Variants in ERCC6L2 observed in about 807,000 individuals in gnomAD.
ERCC6L2 encodes DNA excision repair protein ERCC-6-like 2.
In ERCC6L2, 77 loss-of-function variants were observed where a neutral mutation model predicts 132.0. The observed-to-expected ratio is 0.58, with a 90% confidence interval of 0.49 to 0.71. The LOEUF (loss-of-function observed/expected upper bound fraction) is 0.71, where lower values mean the gene tolerates loss of function less well. Among genes scored for constraint, ERCC6L2 ranks in the 30% least tolerant of loss-of-function variants. The pLI, the probability that ERCC6L2 is intolerant of heterozygous loss-of-function variation, is 0.00. For synonymous variants in ERCC6L2, 583 were observed against 632.4 expected (o/e 0.92, Z 1.17); for missense variants, 1,542 against 1,837.6 (o/e 0.84, Z 2.94).
chr9:95,920,523 A>C (rs1829812814), intron 6 of ERCC6L2, among the ~76,000 whole-genome samples: 1 of 152,198 alleles, frequency 6.6e-6, no homozygotes, highest in African/African-American at 2.4e-5. Flanking sequence ...GGAAGTCAGA[A>C]GTTATACATG....
chr9:95,915,949 T>A, intron 5 of ERCC6L2, 120 bp downstream of exon 5: 1 of 997,244 alleles, frequency 1.0e-6, no homozygotes. Flanking sequence ...TAGATGTGTT[T>A]GATCCCAGAT....
At chr9:95,917,333 TC>T (rs1829648587) in intron 6 of ERCC6L2, among the ~76,000 whole-genome samples, 1 of 152,228 alleles carries the variant, frequency 6.6e-6, no homozygotes, top group African/African-American at 2.4e-5. Context: ...ATCTTGTGTT[TC>T]TTCTAGCTTG....
At chr9:95,896,372 A>ATTTGTTTT (rs1828459551) in intron 2 of ERCC6L2, among the ~76,000 whole-genome samples, 2 of 141,076 alleles carry the variant, frequency 1.4e-5, no homozygotes, top group Non-Finnish European at 3.1e-5. Flanking sequence ...CTACTTGTCT[A>ATTTGTTTT]TTTGTTTTTT....
In ERCC6L2 at chr9:96,009,945, G is replaced by C. The variant is rs75086280; in HGVS notation, c.3675-2280G>C. Among the ~76,000 whole-genome samples, 547 of 152,280 alleles carry C rather than the reference G, an allele frequency of 3.6e-3. 2 individuals carry two copies. The highest frequency in any genetic ancestry group is 0.013 in the African/African-American group (521 of 41,548). ...TTGGCAGTTGCTGAGACACCACCAA[G>C]CCTTGGATAAATAAAAGACATCAGC... On this transcript the variant is annotated intron_variant, in intron 18 of 18. Transcript: ENST00000653738.
At position 95,990,944 on chromosome 9, in the gene ERCC6L2, G is replaced by T. The variant is rs1216813427; in HGVS notation, c.3492+12729G>T. Among the ~76,000 whole-genome samples the T allele has an allele frequency of 3.3e-5, 5 of 152,284 alleles. No homozygotes were observed. The East Asian group carries it at 9.6e-4, about 29-fold the overall frequency. The stretch of plus-strand genomic sequence containing the variant: ...GTGGGCGGCTCTCAGCAGAAAGGGA[G>T]GCTGGAAAGGGGATGGGAAGGTGAT... On this transcript the variant is annotated intron_variant, in intron 17 of 18. Coordinates refer to ENST00000653738, the MANE Select transcript of ERCC6L2 (RefSeq NM_020207.7).
intron 19 of ERCC6L2, among the ~76,000 whole-genome samples, chr9:96,038,285 T>C (rs1245374109): frequency 3.3e-5 from 5 of 152,152 alleles, no homozygotes; most frequent in Non-Finnish European, 5.9e-5. Flanking sequence ...GAATCTGTGA[T>C]GATTGCTGGA....
intron 17 of ERCC6L2, among the ~76,000 whole-genome samples, chr9:95,989,949 G>T (rs1833233756): frequency 6.6e-6 from 1 of 152,242 alleles, no homozygotes; most frequent in Non-Finnish European, 1.5e-5. Flanking sequence ...AGCCAGAAAT[G>T]TGACAATGTG....
chr9:95,879,050 T>A (rs1404420520), intron 1 of ERCC6L2, among the ~76,000 whole-genome samples: 1 of 151,922 alleles, frequency 6.6e-6, no homozygotes, highest in Non-Finnish European at 1.5e-5. Context: ...AAATGGTATT[T>A]CTAGTTCTAG....
chr9:95,931,538 C>T (rs1201647502), intron 11 of ERCC6L2, among the ~76,000 whole-genome samples: 2 of 152,208 alleles, frequency 1.3e-5, no homozygotes, highest in African/African-American at 4.8e-5. Flanking sequence ...TTTTCTGCAT[C>T]TGTAAATACA....
Position 95,916,217 on chromosome 9 carries a change from C to G in ERCC6L2, c.951-10C>G. 1.2e-6 allele frequency: 2 copies of G among 1,612,186 alleles called. No homozygotes were observed. Among genetic ancestry groups the G allele is most frequent in the African/African-American group, 1.3e-5 (1 of 74,898 alleles). ...AAAGCCCTTACATTTTTCTTATTGT[C>G]TTTATAAAGGGCTGTGCCAGGCCTT... On this transcript the variant is annotated splice_polypyrimidine_tract_variant and intron_variant, in intron 5 of 18. Coordinates refer to ENST00000653738, the MANE Select transcript of ERCC6L2 (RefSeq NM_020207.7).
chr9:95,914,390 T>C (rs1205754141), intron 4 of ERCC6L2, among the ~76,000 whole-genome samples: 1 of 152,108 alleles, frequency 6.6e-6, no homozygotes, highest in East Asian at 1.9e-4. Context: ...AGTCTTGCTG[T>C]GTCACCAGGC....
In ERCC6L2 at chr9:95,875,741, G is replaced by A; in HGVS notation, c.-298G>A. On this transcript the variant is annotated 5_prime_UTR_variant, in exon 1 of 19. Transcript: ENST00000653738. ...CCTTGCCGGCCTCCTGTCCTCCTCC[G>A]GCGGCGGCGGAGCCCGAGAGAACTA... is the stretch of plus-strand genomic sequence containing the variant. The A allele has an allele frequency of 2.2e-6, 1 of 453,330 alleles. No homozygotes were observed. The highest frequency in any genetic ancestry group is 4.0e-6 in the Non-Finnish European group (1 of 250,190). 28.1% of individuals were successfully genotyped at this position (453,330 alleles called of 1,614,324 possible). A position where few individuals can be genotyped will look rare whatever the true frequency, so the allele number is the denominator to read the frequency against.
intron 17 of ERCC6L2, among the ~76,000 whole-genome samples, chr9:96,000,796 A>T (rs536915361): frequency 6.6e-6 from 1 of 152,344 alleles, no homozygotes; most frequent in South Asian, 2.1e-4. Context: ...AATAATAGAA[A>T]AATTAGCTCG....
In ERCC6L2 at chr9:96,012,533, G is replaced by A; in HGVS notation, c.3983G>A (p.Ser1328Asn). The change falls in exon 19 of 19, where the codon AGC becomes AAC. Residue 1328 changes from serine (S) to asparagine (N), a missense_variant. Physicochemically the swap from Ser to Asn is conservative, Grantham distance 46. Around this residue, in one of 4 missense-constraint regions of ERCC6L2, gnomAD observed 442 missense variants for 583.4 expected, o/e 0.76. Transcript: ENST00000653738. Reference sequence around the variant, plus strand: ...ACCAACAAAATTTCTCAAGTTTGCAGCCTAAAAACATATAAAAGAAAATCA... The same window carrying A: ...ACCAACAAAATTTCTCAAGTTTGCAACCTAAAAACATATAAAAGAAAATCA... ...DSTNKISQVC[S>N]LKTYKRKSVK... is the part of the protein sequence containing the mutation. 1 of 1,367,406 alleles carries A rather than the reference G, an allele frequency of 7.3e-7. No homozygotes were observed. Among genetic ancestry groups the A allele is most frequent in the Non-Finnish European group, 9.8e-7 (1 of 1,021,754 alleles). The allele number at this position is 1,367,406 out of a possible 1,614,324, so 84.7% of individuals were successfully genotyped here. A position where few individuals can be genotyped will look rare whatever the true frequency, so the allele number is the denominator to read the frequency against.
chr9:95,985,744 C>CT (rs1483407383), intron 17 of ERCC6L2, among the ~76,000 whole-genome samples: 1 of 152,078 alleles, frequency 6.6e-6, no homozygotes, highest in Non-Finnish European at 1.5e-5. Context: ...CCCTAGTGTG[C>CT]TTTTCTAGTC....
At chr9:95,975,759 C>G (rs1406157335) in intron 16 of ERCC6L2, among the ~76,000 whole-genome samples, 1 of 151,956 alleles carries the variant, frequency 6.6e-6, no homozygotes, top group Non-Finnish European at 1.5e-5. Context: ...TCTCTCAAAT[C>G]TTTATCTGTT....
chr9:95,932,295 A>G (rs1564236919), intron 11 of ERCC6L2, among the ~76,000 whole-genome samples: 1 of 151,770 alleles, frequency 6.6e-6, no homozygotes, highest in Non-Finnish European at 1.5e-5. Flanking sequence ...TGAACTCCTG[A>G]CCTCGTGATC....
At chr9:96,027,174 ACAC>A (rs796150143) in intron 19 of ERCC6L2, among the ~76,000 whole-genome samples, 1 of 111,644 alleles carries the variant, frequency 9.0e-6, no homozygotes, top group African/African-American at 3.4e-5. Context: ...CCACACACAC[ACAC>A]ACCACACACC....
chr9:95,959,116 C>G (rs1415468018), intron 13 of ERCC6L2, among the ~76,000 whole-genome samples: 1 of 152,006 alleles, frequency 6.6e-6, no homozygotes, highest in Non-Finnish European at 1.5e-5. Context: ...ATCATGCTAC[C>G]TGACTTCAAA....
Sources: gnomAD v4.1 joint callset for allele counts (sites outside exome capture counted in the v4.1 genomes callset) on GRCh38, gnomAD v4.1.1 for gene constraint, gnomAD v4.1.1 regional missense constraint, MANE v1.5 for transcripts, NCBI Gene and HGNC (gene_info 2026-07-23, HGNC 2026-07-21) for gene names.